The following NOP14 variants were observed in gnomAD, a reference collection of about 807,000 sequenced individuals.
NOP14 encodes NOP14 nucleolar protein, also known as nucleolar protein 14.
NOP14 carries 57 observed loss-of-function variants against 101.6 expected under a neutral mutation model. The observed-to-expected ratio is 0.56, with a 90% CI of 0.45 to 0.70. NOP14 has a LOEUF of 0.70. Ranked by LOEUF, NOP14 falls within the 30% of genes least tolerant of loss-of-function variation. NOP14 has a pLI of 0.00. For synonymous variants in NOP14, 428 were observed against 424.0 expected (o/e 1.01, Z -0.12); for missense variants, 1,134 against 1,075.5 (o/e 1.05, Z -0.76).
At chr4:2,961,186 AATATGC>A (rs1395239621) in intron 1 of NOP14, among the ~76,000 whole-genome samples, 168 of 2,672 alleles carry the variant, frequency 0.063, 4 homozygotes, top group African/African-American at 0.12. Context: ...ATAATATATT[AATATGC>A]TAATATTATA....
At chr4:2,945,393 C>T (rs1244056524) in intron 11 of NOP14, among the ~76,000 whole-genome samples, 164 bp from the exon 12 acceptor site, 2 of 152,182 alleles carry the variant, frequency 1.3e-5, no homozygotes, top group Admixed American at 6.5e-5. Flanking sequence ...GTCCAACCAC[C>T]GTGGGTCAAC....
chr4:2,957,051 G>T (rs898713439), intron 2 of NOP14, among the ~76,000 whole-genome samples: 20 of 152,068 alleles, frequency 1.3e-4, no homozygotes, highest in Admixed American at 3.3e-4. Context: ...GCCCAGGCTG[G>T]AGTGCGGTAG....
In NOP14 at chr4:2,949,943, T is replaced by C. The variant is rs755639624; in HGVS notation, c.1273A>G (p.Thr425Ala). ...GKATRDELPY[T>A]FAAPESYEEL... ...CCGCGCACTTGCCCACCTGCGAACG[T>C]GTAGGGCAGCTCGTCTCTGGTAGCT... is the stretch of plus-strand genomic sequence containing the variant. The change falls in exon 8 of 18, where the codon ACG (threonine) becomes GCG (alanine). Residue 425 changes from threonine to alanine, a missense_variant. Coordinates refer to ENST00000416614, the MANE Select transcript of NOP14 (RefSeq NM_001291978.2). 2.5e-6 allele frequency: 4 copies of C among 1,614,206 alleles called. No homozygotes were observed.
chr4:2,950,370 C>G, intron 7 of NOP14, 157 bp from the exon 8 acceptor site: 1 of 721,642 alleles, frequency 1.4e-6, no homozygotes, highest in Non-Finnish European at 2.3e-6. Context: ...CACTAGGCCT[C>G]CTGCCCACCA....
Position 2,963,269 on chromosome 4 carries a change from C to T in NOP14, c.51G>A (p.Pro17=). The T allele has an allele frequency of 1.3e-6, 2 of 1,590,808 alleles. No homozygotes were observed. Among genetic ancestry groups the T allele is most frequent in the Non-Finnish European group, 1.7e-6 (2 of 1,171,234 alleles). Residue 17 remains proline (P), a synonymous_variant, in exon 1 of 18, where the codon CCG becomes CCA. Coordinates refer to ENST00000416614, the MANE Select transcript of NOP14 (RefSeq NM_001291978.2). The part of the protein sequence containing the change: ...VGARRKASGA[P]AGARGGPAKA... ...TCGCCGGGCCCCCTCGCGCTCCCGCCGGCGCCCCGGAGGCCTTCCTTCGCG... is the reference window on the plus strand; with the variant it reads ...TCGCCGGGCCCCCTCGCGCTCCCGCTGGCGCCCCGGAGGCCTTCCTTCGCG...
Position 2,948,421 on chromosome 4 carries a change from C to A in NOP14, c.1283-13G>T. The A allele has an allele frequency of 6.3e-7, 1 of 1,596,732 alleles. No individual in the cohort carries two copies. Among genetic ancestry groups the A allele is most frequent in the Non-Finnish European group, 8.5e-7 (1 of 1,172,102 alleles). On this transcript the variant is annotated splice_polypyrimidine_tract_variant and intron_variant, in intron 8 of 17. Transcript: ENST00000416614. ...TAGGATTCAGGGGCTATCAAAAACACAAAACATACTGCACATTTAACATTT... is the reference window on the plus strand; with the variant it reads ...TAGGATTCAGGGGCTATCAAAAACAAAAAACATACTGCACATTTAACATTT...
At chr4:2,950,328 A>G in intron 7 of NOP14, 115 bp from the exon 8 acceptor site, 1 of 1,131,496 alleles carries the variant, frequency 8.8e-7, no homozygotes, top group Non-Finnish European at 1.3e-6. Flanking sequence ...GTTGCAAGGA[A>G]CACAAACCTG....
At position 2,939,185 on chromosome 4, in the gene NOP14, C is replaced by T; in HGVS notation, c.2474+3G>A. ...TCGTGTCGCACACACACGTCCCCCT[C>T]ACCGTTCCATGATTTCTGAGAGTTG... is the stretch of plus-strand genomic sequence containing the variant. On this transcript the variant is annotated splice_donor_region_variant and intron_variant, in intron 17 of 17. Transcript: ENST00000416614. The T allele has an allele frequency of 1.2e-6, 2 of 1,613,916 alleles. No homozygotes were observed. The highest frequency in any genetic ancestry group is 1.1e-5 in the South Asian group (1 of 91,082).
rs779307234 is a variant in NOP14, at chr4:2,938,888, G to A, written c.2517C>T (p.Ser839=). The change falls in exon 18 of 18, where the codon AGC becomes AGT. Residue 839 remains serine, a synonymous_variant. Transcript: ENST00000416614. The stretch of plus-strand genomic sequence containing the variant: ...TCCATTCGCCTTCCTGTGTAGCCAG[G>A]CTGTTAAAAAGCTGCTTTACTTTCC... The part of the protein sequence containing the change: ...RKRKVKQLFN[S]LATQEGEWKA... 1 of 1,614,100 alleles carries A rather than the reference G, an allele frequency of 6.2e-7. No homozygotes were observed. Among genetic ancestry groups the A allele is most frequent in the East Asian group, 2.2e-5 (1 of 44,892 alleles).
chr4:2,952,310 C>A lies in NOP14; in HGVS notation c.835G>T (p.Ala279Ser), dbSNP rs1176133853. The change falls in exon 6 of 18, where the codon GCA becomes TCA. Residue 279 changes from alanine (A) to serine (S), a missense_variant. Coordinates refer to ENST00000416614, the MANE Select transcript of NOP14 (RefSeq NM_001291978.2). ...SNRMKTEAEL[A>S]KEEQEHLRKL... ...CTGAGGTGCTCCTGCTCTTCCTTTGCCAATTCTGCCTCCGTCTTCATCCTG... is the reference window on the plus strand; with the variant it reads ...CTGAGGTGCTCCTGCTCTTCCTTTGACAATTCTGCCTCCGTCTTCATCCTG... The A allele has an allele frequency of 6.2e-7, 1 of 1,613,788 alleles. No individual in the cohort carries two copies. Among genetic ancestry groups the A allele is most frequent in the Non-Finnish European group, 8.5e-7 (1 of 1,179,872 alleles).
chr4:2,963,073 C>G (rs1027190176), intron 1 of NOP14, 52 bp downstream of exon 1: 114 of 1,454,964 alleles, frequency 7.8e-5, no homozygotes, highest in Non-Finnish European at 7.8e-5. Context: ...CGGCCGAGAG[C>G]AGCGTGGGGT....
chr4:2,954,275 T>A (rs1715204227), intron 4 of NOP14, 149 bp downstream of exon 4: 1 of 929,830 alleles, frequency 1.1e-6, no homozygotes, highest in South Asian at 1.8e-5. Flanking sequence ...ATGTGATTTT[T>A]AAAATTCCTA....
Position 2,938,180 on chromosome 4 carries a change from TG to T in NOP14, c.*650del, listed in dbSNP as rs756946507. On this transcript the variant is annotated 3_prime_UTR_variant, in exon 18 of 18. Transcript: ENST00000416614. ...CAGAAACAAAACCGCAGGCAGCGGG[TG>T]GGGGGAGCTGGAGGTTGGAATCACA... 1.1e-5 allele frequency: 14 copies of T among 1,285,500 alleles called. 1 individual carries two copies. In the South Asian group the frequency reaches 1.6e-4, roughly 15 times the overall value. The allele number at this position is 1,285,500 out of a possible 1,614,324, so 79.6% of individuals were successfully genotyped here. A position where few individuals can be genotyped will look rare whatever the true frequency, so the allele number is the denominator to read the frequency against.
rs1020598205 is a variant in NOP14, at chr4:2,938,153, A to C, written c.*678T>G. On this transcript the variant is annotated 3_prime_UTR_variant, in exon 18 of 18. Coordinates refer to ENST00000416614, the MANE Select transcript of NOP14 (RefSeq NM_001291978.2). ...ATTCTATTTCATCAGGTGACGTTTT[A>C]ACAGAAACAAAACCGCAGGCAGCGG... 7 of 1,272,188 alleles carry C rather than the reference A, an allele frequency of 5.5e-6. No individual in the cohort carries two copies. The highest frequency in any genetic ancestry group is 7.2e-6 in the Non-Finnish European group (7 of 976,628). The allele number at this position is 1,272,188 out of a possible 1,614,324, so 78.8% of individuals were successfully genotyped here.
chr4:2,951,335 G>T, intron 6 of NOP14, 90 bp from the exon 7 acceptor site: 1 of 1,206,532 alleles, frequency 8.3e-7, no homozygotes, highest in Non-Finnish European at 1.2e-6. Flanking sequence ...AGCGGGCTGG[G>T]CCTACGGTCC....
chr4:2,943,402 C>A lies in NOP14; in HGVS notation c.1891+671G>T, dbSNP rs1466734952. Among the ~76,000 whole-genome samples the A allele has an allele frequency of 3.3e-5, 5 of 152,246 alleles. No homozygotes were observed. The East Asian group carries it at 9.6e-4, about 29-fold the overall frequency. On this transcript the variant is annotated intron_variant, in intron 13 of 17. Coordinates refer to ENST00000416614, the MANE Select transcript of NOP14 (RefSeq NM_001291978.2). ...AGAGGCGTCCACAGACATGGAAGAGCTCAGGAAGAGGCTGTGCAGCTCCTC... is the reference window on the plus strand; with the variant it reads ...AGAGGCGTCCACAGACATGGAAGAGATCAGGAAGAGGCTGTGCAGCTCCTC...
chr4:2,951,876 G>A (rs1391282616), intron 6 of NOP14, among the ~76,000 whole-genome samples: 2 of 152,236 alleles, frequency 1.3e-5, no homozygotes, highest in African/African-American at 4.8e-5. Context: ...GGGAGGCCGA[G>A]GTGACTGGAT....
chr4:2,955,151 G>T (rs1361625631), intron 3 of NOP14, among the ~76,000 whole-genome samples: 1 of 96,888 alleles, frequency 1.0e-5, no homozygotes, highest in Non-Finnish European at 2.1e-5. Context: ...TGCACCCCAC[G>T]GCGCCCCCTC....
chr4:2,957,830 G>A, intron 1 of NOP14, 90 bp from the exon 2 acceptor site: 1 of 1,337,136 alleles, frequency 7.5e-7, no homozygotes, highest in Non-Finnish European at 1.0e-6. Context: ...TAAAGTTCAG[G>A]GCTATGCACA....
Sources: gnomAD v4.1 joint callset for allele counts (sites outside exome capture counted in the v4.1 genomes callset) on GRCh38, gnomAD v4.1.1 for gene constraint, MANE v1.5 for transcripts, NCBI Gene and HGNC (gene_info 2026-07-23, HGNC 2026-07-21) for gene names.